XPA: variants seen among roughly 807,000 people sequenced by gnomAD.
XPA encodes the protein XPA, DNA damage recognition and repair factor.
XPA carries 27 observed loss-of-function variants against 35.7 expected under a neutral mutation model. The ratio of observed to expected loss-of-function variants is 0.76; its 90% confidence interval spans 0.56 to 1.04. The LOEUF is 1.04. XPA is among the 50% of genes least tolerant of loss of function. XPA has a pLI of 0.00. For missense variants in XPA, 354 were observed against 342.7 expected (o/e 1.03, Z -0.26); for synonymous variants, 133 against 118.4 (o/e 1.12, Z -0.80).
intron 3 of XPA, among the ~76,000 whole-genome samples, chr9:97,688,506 A>G (rs1828787128): frequency 6.6e-6 from 1 of 152,248 alleles, no homozygotes; most frequent in Non-Finnish European, 1.5e-5. Flanking sequence ...AAGGTAATAT[A>G]TTCACAACTT....
At chr9:97,655,961 G>GT in the XPA span, 3 of 1,520,854 alleles carry the variant, frequency 2.0e-6, no homozygotes, top group Non-Finnish European at 2.7e-6. Flanking sequence ...ACAAATGGGT[G>GT]TAAGTGCAGA....
chr9:97,667,660 A>C, the XPA span, among the ~76,000 whole-genome samples: 31 of 152,188 alleles, frequency 2.0e-4, no homozygotes, highest in Non-Finnish European at 3.7e-4. Context: ...GGTCTGTCAG[A>C]CTCCAGAGAC....
chr9:97,688,531 C>G (rs909272462), intron 3 of XPA, among the ~76,000 whole-genome samples: 4 of 152,196 alleles, frequency 2.6e-5, no homozygotes, highest in South Asian at 2.1e-4. Context: ...TAAACTGGTA[C>G]AAGAGTTGCT....
At chr9:97,658,818 G>A in the XPA span, 5 of 1,185,418 alleles carry the variant, frequency 4.2e-6, no homozygotes, top group Non-Finnish European at 3.8e-6. Flanking sequence ...TGTTTAAAGT[G>A]GAGAAATTGA....
Position 97,697,174 on chromosome 9 carries a change from T to C in XPA, c.119A>G (p.Gln40Arg), listed in dbSNP as rs1829077998. 1.3e-6 allele frequency: 2 copies of C among 1,587,750 alleles called. No homozygotes were observed. Among genetic ancestry groups the C allele is most frequent in the East Asian group, 2.3e-5 (1 of 43,916 alleles). The change falls in exon 1 of 6, where the codon CAG becomes CGG. Residue 40 changes from glutamine (Q) to arginine (R), a missense_variant. Gln to Arg is a conservative substitution (Grantham distance 43, BLOSUM62 1). Coordinates refer to ENST00000375128, the MANE Select transcript of XPA (RefSeq NM_000380.4). ...GTAGGGCCGGGCAGCCAGCCGGGCCTGGCGCAGCATCAGTGCCCGCTGCCG... is the reference window on the plus strand; with the variant it reads ...GTAGGGCCGGGCAGCCAGCCGGGCCCGGCGCAGCATCAGTGCCCGCTGCCG... ...RKRQRALMLR[Q>R]ARLAARPYSA...
At chr9:97,680,771 A>C (rs1003561315) in intron 5 of XPA, among the ~76,000 whole-genome samples, 6 of 152,222 alleles carry the variant, frequency 3.9e-5, no homozygotes. Context: ...GTAGTTTTAA[A>C]AACAAGGTAA....
At chr9:97,694,771 T>C (rs957294901) in intron 1 of XPA, among the ~76,000 whole-genome samples, 1 of 152,144 alleles carries the variant, frequency 6.6e-6, no homozygotes, top group African/African-American at 2.4e-5. Context: ...ACAAGAGAAG[T>C]GAGTGTGTAT....
chr9:97,696,459 G>A (rs1052320699), intron 1 of XPA, among the ~76,000 whole-genome samples: 1 of 152,116 alleles, frequency 6.6e-6, no homozygotes, highest in African/African-American at 2.4e-5. Flanking sequence ...AATCGCAGAG[G>A]TCACATGTCC....
the XPA span, among the ~76,000 whole-genome samples, chr9:97,663,733 C>G: frequency 6.6e-6 from 1 of 151,830 alleles, no homozygotes; most frequent in Non-Finnish European, 1.5e-5. Context: ...GATCTGCCCA[C>G]CTCGGCCTCC....
chr9:97,682,944 CTGTT>C (rs1223500462), intron 5 of XPA, among the ~76,000 whole-genome samples: 1 of 152,092 alleles, frequency 6.6e-6, no homozygotes, highest in Non-Finnish European at 1.5e-5. Context: ...ATCTTTCAAT[CTGTT>C]TGTCAAATTA....
chr9:97,695,783 C>G (rs1423433994), intron 1 of XPA, among the ~76,000 whole-genome samples: 1 of 152,150 alleles, frequency 6.6e-6, no homozygotes, highest in East Asian at 1.9e-4. Flanking sequence ...AAAATCTCAG[C>G]ACTTACCTAA....
chr9:97,689,783 C>A (rs1828829696), intron 2 of XPA, 144 bp from the exon 3 acceptor site: 36 of 457,898 alleles, frequency 7.9e-5, no homozygotes, highest in South Asian at 4.3e-4. Context: ...TTATGTTTAT[C>A]TAAAAAAAAA....
chr9:97,687,045 T>C (rs1232102589), intron 4 of XPA, 51 bp downstream of exon 4: 2 of 1,563,840 alleles, frequency 1.3e-6, no homozygotes, highest in Middle Eastern at 2.1e-4. Flanking sequence ...GACTAGTTTG[T>C]TATTAAGAAT....
intron 3 of XPA, among the ~76,000 whole-genome samples, chr9:97,687,697 A>AG (rs1263562974): frequency 2.6e-5 from 4 of 152,164 alleles, no homozygotes; most frequent in Non-Finnish European, 5.9e-5. Flanking sequence ...CTATATGAAA[A>AG]GGAGACCCTA....
intron 5 of XPA, among the ~76,000 whole-genome samples, chr9:97,680,525 C>T (rs1451058895): frequency 6.6e-6 from 1 of 152,020 alleles, no homozygotes; most frequent in African/African-American, 2.4e-5. Flanking sequence ...TGCTCCCAGT[C>T]GAATGCCATT....
the XPA span, chr9:97,658,789 A>C: frequency 1.4e-6 from 2 of 1,380,692 alleles, no homozygotes; most frequent in Non-Finnish European, 2.1e-6. Context: ...GTACCAGTTC[A>C]AGTATATCTG....
At chr9:97,679,144 T>A (rs554115426) in intron 5 of XPA, among the ~76,000 whole-genome samples, 3 of 152,338 alleles carry the variant, frequency 2.0e-5, no homozygotes, top group Non-Finnish European at 4.4e-5. Context: ...AAGTTAACAA[T>A]ATACTTTGGT....
Position 97,675,109 on chromosome 9 carries a change from T to G in XPA, c.*330A>C. 1.8e-6 allele frequency: 1 copy of G among 546,458 alleles called. No homozygotes were observed. The allele number at this position is 546,458 out of a possible 1,614,324, so 33.9% of individuals were successfully genotyped here. A position where few individuals can be genotyped will look rare whatever the true frequency, so the allele number is the denominator to read the frequency against. On this transcript the variant is annotated 3_prime_UTR_variant, in exon 6 of 6. Transcript: ENST00000375128. The stretch of plus-strand genomic sequence containing the variant: ...TCAGCCTTTGTTGAACCCTTTTCCC[T>G]CTACCCCAATCTAGGGTTTGCCTTG...
chr9:97,689,050 T>C (rs1398161645), intron 3 of XPA, among the ~76,000 whole-genome samples: 1 of 152,196 alleles, frequency 6.6e-6, no homozygotes, highest in Non-Finnish European at 1.5e-5. Flanking sequence ...AGAAAAAGAA[T>C]GGAAGAATAT....
Sources: gnomAD v4.1 joint callset for allele counts (sites outside exome capture counted in the v4.1 genomes callset) on GRCh38, gnomAD v4.1.1 for gene constraint, MANE v1.5 for transcripts, NCBI Gene and HGNC (gene_info 2026-07-23, HGNC 2026-07-21) for gene names.